The following CADM2 variants were observed in gnomAD, a reference collection of about 807,000 sequenced individuals.
CADM2 encodes cell adhesion molecule 2.
CADM2 carries 12 observed loss-of-function variants against 49.8 expected under a neutral mutation model. That is an observed-to-expected ratio of 0.24 (90% CI 0.15 to 0.39). The LOEUF is 0.39. Among genes scored for constraint, CADM2 ranks in the 10% least tolerant of loss-of-function variants. The pLI is 1.00. For missense variants in CADM2, 378 were observed against 492.3 expected, an observed-to-expected ratio of 0.77 and a Z score of 2.20; for synonymous variants, 214 against 175.4, an observed-to-expected ratio of 1.22 and a Z score of -1.74.
intron 1 of CADM2, among the ~76,000 whole-genome samples, chr3:85,268,668 A>G (rs1380715233): frequency 1.3e-5 from 2 of 151,458 alleles, no homozygotes; most frequent in African/African-American, 2.4e-5. Context: ...AATGTAAGCA[A>G]TTGACTGAAT....
intron 1 of CADM2, among the ~76,000 whole-genome samples, chr3:85,013,929 C>G (rs13075478): frequency 8.1e-6 from 1 of 123,998 alleles, no homozygotes; most frequent in African/African-American, 2.9e-5. Flanking sequence ...ATTATATATA[C>G]GCAGTGTAAT....
At chr3:85,163,438 A>G (rs2040384053) in intron 1 of CADM2, among the ~76,000 whole-genome samples, 1 of 152,136 alleles carries the variant, frequency 6.6e-6, no homozygotes, top group Non-Finnish European at 1.5e-5. Context: ...TGAGTAGTAT[A>G]TCTCAGCCAT....
chr3:85,817,245 A>G (rs1349545961), intron 3 of CADM2, among the ~76,000 whole-genome samples: 1 of 150,834 alleles, frequency 6.6e-6, no homozygotes, highest in Non-Finnish European at 1.5e-5. Flanking sequence ...TACAAATGGA[A>G]AGTAGGGAGG....
intron 8 of CADM2, among the ~76,000 whole-genome samples, chr3:85,967,186 C>T (rs1725584943): frequency 6.6e-6 from 1 of 151,612 alleles, no homozygotes; most frequent in Non-Finnish European, 1.5e-5. Flanking sequence ...CATGTAGACA[C>T]ATATCGTTTT....
chr3:85,502,899 CT>C (rs1457812894), intron 1 of CADM2, among the ~76,000 whole-genome samples: 2 of 151,786 alleles, frequency 1.3e-5, no homozygotes, highest in Admixed American at 6.6e-5. Context: ...ATGATATAAC[CT>C]TTTTTTGAGG....
intron 1 of CADM2, among the ~76,000 whole-genome samples, chr3:85,428,282 A>G (rs1297064232): frequency 6.8e-6 from 1 of 147,760 alleles, no homozygotes. Context: ...GCTAAACTAC[A>G]TTTTCATCAA....
chr3:85,082,745 A>G lies in CADM2; in HGVS notation c.61+123077A>G, dbSNP rs2037216234. On this transcript the variant is annotated intron_variant, in intron 1 of 9. Transcript: ENST00000383699. ...GGGATGATTTTTCAGTAAAAGCCAG[A>G]ATGAGGAGCCATCATATTACAAGTA... Among the ~76,000 whole-genome samples the G allele has an allele frequency of 1.3e-5, 2 of 152,112 alleles. 1 individual carries two copies. The highest frequency in any genetic ancestry group is 1.3e-4 in the Admixed American group (2 of 15,252).
chr3:85,814,337 CTGTTTGTA>C (rs1407173056), intron 3 of CADM2, among the ~76,000 whole-genome samples: 1 of 152,062 alleles, frequency 6.6e-6, no homozygotes, highest in African/African-American at 2.4e-5. Context: ...GATTTGGTCT[CTGTTTGTA>C]TGTTATTGAT....
chr3:85,624,047 T>C (rs2064050367), intron 1 of CADM2, among the ~76,000 whole-genome samples: 1 of 152,118 alleles, frequency 6.6e-6, no homozygotes, highest in Non-Finnish European at 1.5e-5. Flanking sequence ...TAAAATAAAA[T>C]ATTCATATTT....
At chr3:85,294,286 A>G (rs1379200303) in intron 1 of CADM2, among the ~76,000 whole-genome samples, 1 of 152,188 alleles carries the variant, frequency 6.6e-6, no homozygotes, top group East Asian at 1.9e-4. Context: ...AAGGAAATAA[A>G]AGAGGATACA....
At chr3:85,143,291 T>G (rs898488434) in intron 1 of CADM2, among the ~76,000 whole-genome samples, 5 of 152,150 alleles carry the variant, frequency 3.3e-5, no homozygotes, top group Non-Finnish European at 7.4e-5. Flanking sequence ...GAGACTAGCC[T>G]GTGCAACATA....
At chr3:85,523,093 A>G (rs538453954) in intron 1 of CADM2, among the ~76,000 whole-genome samples, 1 of 152,212 alleles carries the variant, frequency 6.6e-6, no homozygotes, top group Non-Finnish European at 1.5e-5. Flanking sequence ...TAGTGTGTAT[A>G]TATTGCCTAC....
chr3:85,536,437 T>G (rs2061424547), intron 1 of CADM2, among the ~76,000 whole-genome samples: 1 of 150,574 alleles, frequency 6.6e-6, no homozygotes, highest in Admixed American at 6.7e-5. Context: ...TTTTTAAATT[T>G]TTGGTACTAT....
At chr3:85,092,159 A>G (rs1163976062) in intron 1 of CADM2, among the ~76,000 whole-genome samples, 23 of 152,170 alleles carry the variant, frequency 1.5e-4, no homozygotes. Context: ...TGTCCTGGAA[A>G]CCATTTTTGA....
intron 1 of CADM2, among the ~76,000 whole-genome samples, chr3:85,114,527 T>C (rs1332212906): frequency 6.6e-6 from 1 of 152,206 alleles, no homozygotes; most frequent in South Asian, 2.1e-4. Context: ...CAGACATGGC[T>C]CTAGAAGTCT....
rs942740178 is a variant in CADM2 at position 85,459,968 on chromosome 3, A to G, written c.62-266554A>G. ...ATCTGCCAGAGTAAAAAAGATTAAC[A>G]TATTTTAAAGAGATTTCTTAATCAA... On this transcript the variant is annotated intron_variant, in intron 1 of 9. Coordinates refer to ENST00000383699, the MANE Select transcript of CADM2 (RefSeq NM_001167675.2). Among the ~76,000 whole-genome samples, 12 of 152,222 alleles carry G rather than the reference A, an allele frequency of 7.9e-5. No individual in the cohort carries two copies. In the East Asian group the frequency reaches 9.6e-4, roughly 12 times the overall value.
intron 1 of CADM2, among the ~76,000 whole-genome samples, chr3:85,245,429 G>A (rs1303604362): frequency 5.3e-5 from 8 of 151,584 alleles, no homozygotes; most frequent in Non-Finnish European, 5.9e-5. Flanking sequence ...GGAGAATGGC[G>A]GGAACCCGGG....
intron 1 of CADM2, among the ~76,000 whole-genome samples, chr3:85,220,325 G>A (rs1422404423): frequency 1.3e-5 from 2 of 151,924 alleles, no homozygotes; most frequent in African/African-American, 4.8e-5. Flanking sequence ...ACAATTTTTG[G>A]GGAAAATTTG....
intron 1 of CADM2, among the ~76,000 whole-genome samples, chr3:85,395,036 T>C: frequency 6.6e-6 from 1 of 152,090 alleles, no homozygotes; most frequent in East Asian, 1.9e-4. Flanking sequence ...GTAATATTTT[T>C]TAATAATGAA....
Sources: allele counts gnomAD v4.1 joint callset (sites outside exome capture counted in the v4.1 genomes callset), GRCh38; gene constraint gnomAD v4.1.1; transcripts MANE v1.5; gene names NCBI Gene and HGNC (gene_info 2026-07-23, HGNC 2026-07-21).